Variants in KHDRBS3 observed in about 807,000 individuals in gnomAD.
KHDRBS3 encodes the protein KH RNA binding domain containing, signal transduction associated 3.
KHDRBS3 carries 23 observed loss-of-function variants against 45.6 expected under a neutral mutation model. The ratio of observed to expected loss-of-function variants is 0.50; its 90% CI spans 0.36 to 0.72. The LOEUF is 0.72. Among genes scored for constraint, KHDRBS3 ranks in the 30% least tolerant of loss-of-function variants. KHDRBS3 has a pLI of 0.00. For synonymous variants in KHDRBS3, 162 were observed against 156.5 expected (o/e 1.04, Z -0.26); for missense variants, 352 against 424.8 (o/e 0.83, Z 1.51).
intron 7 of KHDRBS3, among the ~76,000 whole-genome samples, chr8:135,635,785 A>T (rs550646505): frequency 6.6e-6 from 1 of 152,242 alleles, no homozygotes; most frequent in African/African-American, 2.4e-5. Context: ...GGTCTGCTGT[A>T]TACTTGGGTT....
chr8:135,593,377 C>T (rs1341603244), intron 6 of KHDRBS3: 3 of 152,130 alleles, frequency 2.0e-5, no homozygotes, highest in African/African-American at 7.2e-5. Flanking sequence ...ATTTAAGGTA[C>T]TTATCTTAGA....
rs756299978 is a variant in KHDRBS3 at position 135,645,076 on chromosome 8, A to T, written c.908A>T (p.Asp303Val). 1.2e-6 allele frequency: 2 copies of T among 1,613,608 alleles called. No individual in the cohort carries two copies. The highest frequency in any genetic ancestry group is 4.5e-5 in the East Asian group (2 of 44,868). The change falls in exon 8 of 9, where the codon GAT (aspartate) becomes GTT (valine). Residue 303 changes from aspartate to valine, a missense_variant. Transcript: ENST00000355849. ...ACTTGCAGTGGTGCTGATTACTATG[A>T]TTACGGACATGGACTCAGTGAGGAG... Reference protein sequence around the residue: ...TPAQSGADYYDYGHGLSEETY... With the variant: ...TPAQSGADYYVYGHGLSEETY...
chr8:135,490,966 G>C (rs182106598), intron 1 of KHDRBS3, among the ~76,000 whole-genome samples: 1 of 152,184 alleles, frequency 6.6e-6, no homozygotes, highest in Non-Finnish European at 1.5e-5. Flanking sequence ...AACATTACTT[G>C]TCAGAGATAT....
chr8:135,469,704 T>C (rs960428031), intron 1 of KHDRBS3, among the ~76,000 whole-genome samples: 1 of 152,154 alleles, frequency 6.6e-6, no homozygotes, highest in Admixed American at 6.5e-5. Flanking sequence ...AATTTTTGTA[T>C]TTTTAGTAGA....
At chr8:135,633,099 A>G (rs1830672124) in intron 7 of KHDRBS3, among the ~76,000 whole-genome samples, 1 of 152,178 alleles carries the variant, frequency 6.6e-6, no homozygotes, top group African/African-American at 2.4e-5. Context: ...TTATACATAT[A>G]TATAGTTTAT....
At chr8:135,529,901 A>G (rs1231370182) in intron 2 of KHDRBS3, among the ~76,000 whole-genome samples, 1 of 151,936 alleles carries the variant, frequency 6.6e-6, no homozygotes, top group Non-Finnish European at 1.5e-5. Context: ...ACAAAAAAAA[A>G]TTAGCCAGGC....
downstream of KHDRBS3, among the ~76,000 whole-genome samples, chr8:135,651,959 A>G (rs947221448): frequency 6.6e-6 from 1 of 152,238 alleles, no homozygotes; most frequent in African/African-American, 2.4e-5. Context: ...CTGTATACAG[A>G]GACAGGTTCC....
intron 1 of KHDRBS3, among the ~76,000 whole-genome samples, chr8:135,463,863 A>T (rs915345440): frequency 6.6e-6 from 1 of 152,138 alleles, no homozygotes; most frequent in Non-Finnish European, 1.5e-5. Flanking sequence ...AAAACAATAG[A>T]AGGAGAGTGT....
chr8:135,477,780 G>T lies in KHDRBS3; in HGVS notation c.88+19826G>T, dbSNP rs150022431. 2.2e-3 allele frequency among the ~76,000 whole-genome samples: 331 copies of T among 152,366 alleles called. 2 individuals carry two copies. The highest frequency in any genetic ancestry group is 7.5e-3 in the African/African-American group (311 of 41,576). On this transcript the variant is annotated intron_variant, in intron 1 of 8. Transcript: ENST00000355849. ...ACAGTGGTCTTTATAAGAAGGATGT[G>T]CAGGAGTCAGTCAGATAGGAGTATC...
chr8:135,542,287 C>A (rs1037005154), intron 2 of KHDRBS3: 5 of 179,990 alleles, frequency 2.8e-5, no homozygotes, highest in Non-Finnish European at 5.8e-5. Context: ...ATGTTAGAGA[C>A]ACCTGGTGTC....
chr8:135,566,438 T>C (rs1204173855), intron 5 of KHDRBS3, among the ~76,000 whole-genome samples: 2 of 152,160 alleles, frequency 1.3e-5, no homozygotes, highest in Non-Finnish European at 2.9e-5. Flanking sequence ...CATAATTCAA[T>C]CAAACACGGT....
At chr8:135,620,719 G>A (rs1214121876) in intron 7 of KHDRBS3, among the ~76,000 whole-genome samples, 1 of 152,110 alleles carries the variant, frequency 6.6e-6, no homozygotes, top group African/African-American at 2.4e-5. Context: ...CAGTTTCTTG[G>A]ATGAGTAGTT....
chr8:135,476,549 A>T (rs1822297760), intron 1 of KHDRBS3, among the ~76,000 whole-genome samples: 1 of 152,156 alleles, frequency 6.6e-6, no homozygotes, highest in Non-Finnish European at 1.5e-5. Flanking sequence ...GGGAAATGGA[A>T]ATCATTATCC....
intron 7 of KHDRBS3, among the ~76,000 whole-genome samples, chr8:135,627,781 T>G (rs1830437522): frequency 6.6e-6 from 1 of 152,214 alleles, no homozygotes; most frequent in African/African-American, 2.4e-5. Context: ...TCAGTTATCT[T>G]ACCTCTAGCC....
intron 6 of KHDRBS3, among the ~76,000 whole-genome samples, chr8:135,592,801 A>G (rs867471008): frequency 3.9e-5 from 6 of 152,196 alleles, no homozygotes; most frequent in South Asian, 2.1e-4. Flanking sequence ...AAATTTTTGC[A>G]GAAATGACTA....
intron 7 of KHDRBS3, among the ~76,000 whole-genome samples, chr8:135,644,569 G>A (rs1485625443): frequency 1.3e-5 from 2 of 152,192 alleles, no homozygotes; most frequent in Admixed American, 1.3e-4. Flanking sequence ...TCTGGTAGAC[G>A]AGGGTGTAAG....
chr8:135,634,771 G>A (rs181563821), intron 7 of KHDRBS3, among the ~76,000 whole-genome samples: 6 of 152,302 alleles, frequency 3.9e-5, no homozygotes, highest in Non-Finnish European at 8.8e-5. Context: ...CTGAGACTAA[G>A]CAGTTGTGAC....
At chr8:135,624,009 G>T (rs1047832062) in intron 7 of KHDRBS3, among the ~76,000 whole-genome samples, 3 of 152,090 alleles carry the variant, frequency 2.0e-5, no homozygotes, top group Non-Finnish European at 4.4e-5. Flanking sequence ...TTTTAGACAC[G>T]GTGCTATATT....
intron 4 of KHDRBS3, among the ~76,000 whole-genome samples, chr8:135,555,095 G>A (rs1370780825): frequency 6.6e-6 from 1 of 152,126 alleles, no homozygotes; most frequent in Non-Finnish European, 1.5e-5. Context: ...ATTTCTGATA[G>A]TAGTGGCTTT....
Sources: gnomAD v4.1 joint callset for allele counts (sites outside exome capture counted in the v4.1 genomes callset) on GRCh38, gnomAD v4.1.1 for gene constraint, MANE v1.5 for transcripts, NCBI Gene and HGNC (gene_info 2026-07-23, HGNC 2026-07-21) for gene names.